The following CPED1 variants were observed in gnomAD, a reference collection of about 807,000 sequenced individuals.
The protein encoded by CPED1 is cadherin-like and PC-esterase domain-containing protein 1.
In CPED1, 114 loss-of-function variants were observed where a neutral mutation model predicts 128.2. The ratio of observed to expected loss-of-function variants is 0.89; its 90% CI spans 0.76 to 1.04. CPED1 has a LOEUF of 1.04. Ranked by LOEUF, CPED1 falls within the 50% of genes least tolerant of loss-of-function variation. The pLI is 0.00. For missense variants in CPED1, 1,211 were observed against 1,207.1 expected (o/e 1.00, Z -0.05); for synonymous variants, 462 against 426.7 (o/e 1.08, Z -1.02).
chr7:121,164,290 CT>C (rs1796473738), intron 16 of CPED1, among the ~76,000 whole-genome samples: 1 of 152,210 alleles, frequency 6.6e-6, no homozygotes, highest in African/African-American at 2.4e-5. Context: ...CTTTAGTTCA[CT>C]TCTTAAGTTT....
chr7:121,261,421 G>A (rs1328241082), intron 18 of CPED1, among the ~76,000 whole-genome samples: 1 of 152,032 alleles, frequency 6.6e-6, no homozygotes, highest in African/African-American at 2.4e-5. Context: ...TAGCATGTAA[G>A]AGAATGTAGT....
intron 3 of CPED1, among the ~76,000 whole-genome samples, chr7:121,034,256 T>TC (rs930997130): frequency 6.9e-6 from 1 of 144,636 alleles, no homozygotes; most frequent in Non-Finnish European, 1.5e-5. Flanking sequence ...TCTTTTTTTT[T>TC]TTTTTTTTTG....
At chr7:121,172,498 G>C (rs1796669718) in intron 16 of CPED1, among the ~76,000 whole-genome samples, 1 of 151,772 alleles carries the variant, frequency 6.6e-6, no homozygotes, top group African/African-American at 2.4e-5. Context: ...TTCTAGAAAG[G>C]TAAACCAATT....
At chr7:121,283,411 G>A (rs1441382672) in intron 22 of CPED1, among the ~76,000 whole-genome samples, 1 of 152,084 alleles carries the variant, frequency 6.6e-6, no homozygotes, top group Non-Finnish European at 1.5e-5. Flanking sequence ...CCTTAATCTA[G>A]ACAAGAACAC....
chr7:121,249,821 C>G (rs1349152544), intron 18 of CPED1, among the ~76,000 whole-genome samples: 1 of 152,156 alleles, frequency 6.6e-6, no homozygotes, highest in Non-Finnish European at 1.5e-5. Flanking sequence ...ATTCATAAAG[C>G]AAGTCCTTAG....
chr7:121,297,089 T>TAAAC lies in CPED1; in HGVS notation c.*1440_*1443dup, dbSNP rs1380544940. The TAAAC allele has an allele frequency of 6.6e-6, 1 of 152,056 alleles. No homozygotes were observed. Among genetic ancestry groups the TAAAC allele is most frequent in the Non-Finnish European group, 1.5e-5 (1 of 67,942 alleles). The allele number at this position is 152,056 out of a possible 1,614,324, so 9.4% of individuals were successfully genotyped here. A position where few individuals can be genotyped will look rare whatever the true frequency, so the allele number is the denominator to read the frequency against. On this transcript the variant is annotated 3_prime_UTR_variant, in exon 23 of 23. Transcript: ENST00000310396. ...ACATAAATGCAAATATCACTTGATA[T>TAAAC]AAACAATACAAATCTGCATCTTACA...
chr7:121,018,165 T>C (rs945326763), intron 3 of CPED1, among the ~76,000 whole-genome samples: 4 of 152,180 alleles, frequency 2.6e-5, no homozygotes, highest in African/African-American at 9.7e-5. Context: ...GTTGTGACTA[T>C]AATCTAACAT....
intron 16 of CPED1, among the ~76,000 whole-genome samples, chr7:121,201,696 A>G (rs1797405725): frequency 6.6e-6 from 1 of 152,092 alleles, no homozygotes; most frequent in Non-Finnish European, 1.5e-5. Context: ...ATGCAGTTAT[A>G]AATACAGCCC....
chr7:121,046,802 T>G (rs1484296619), intron 3 of CPED1, 85 bp from the exon 4 acceptor site: 1 of 819,976 alleles, frequency 1.2e-6, no homozygotes, highest in Non-Finnish European at 1.9e-6. Flanking sequence ...TTTAAATAAT[T>G]ACATTTTTTA....
chr7:121,223,868 G>T (rs1797942260), intron 16 of CPED1, among the ~76,000 whole-genome samples: 1 of 150,130 alleles, frequency 6.7e-6, no homozygotes, highest in Non-Finnish European at 1.5e-5. Context: ...TATTAGTCTT[G>T]CTAGCAGTCT....
intron 16 of CPED1, among the ~76,000 whole-genome samples, chr7:121,216,917 C>A (rs969985071): frequency 6.6e-6 from 1 of 151,744 alleles, no homozygotes; most frequent in Non-Finnish European, 1.5e-5. Context: ...AACTGTTACA[C>A]TTTTTTTTGG....
At chr7:121,175,894 A>G (rs911025306) in intron 16 of CPED1, among the ~76,000 whole-genome samples, 1 of 152,078 alleles carries the variant, frequency 6.6e-6, no homozygotes, top group Non-Finnish European at 1.5e-5. Context: ...TCTATAACAA[A>G]TAGATTTGTC....
rs187151039 is a variant in CPED1 at position 121,206,291 on chromosome 7, C to T, written c.2056-30423C>T. ...TATTTCTCCAAAAGGCAAGCATTAA[C>T]TAGGCCAAAATGGGCAGCCAGGCAT... On this transcript the variant is annotated intron_variant, in intron 16 of 22. Transcript: ENST00000310396. 3.3e-5 allele frequency among the ~76,000 whole-genome samples: 5 copies of T among 152,042 alleles called. No homozygotes were observed. In the East Asian group the frequency reaches 9.7e-4, roughly 30 times the overall value.
At chr7:121,134,448 G>C (rs1280360739) in intron 13 of CPED1, among the ~76,000 whole-genome samples, 1 of 151,988 alleles carries the variant, frequency 6.6e-6, no homozygotes, top group Non-Finnish European at 1.5e-5. Flanking sequence ...GTTATTAGAG[G>C]CCAGGGAGGG....
chr7:121,063,381 G>GAA lies in CPED1; in HGVS notation c.541-837_541-836dup, dbSNP rs368502123. Among the ~76,000 whole-genome samples the GAA allele has an allele frequency of 1.5e-3, 99 of 67,032 alleles. 7 individuals carry two copies. Among genetic ancestry groups the GAA allele is most frequent in the Admixed American group, 3.9e-3 (16 of 4,114 alleles). 44.0% of individuals were successfully genotyped at this position (67,032 alleles called of 152,430 possible). On this transcript the variant is annotated intron_variant, in intron 4 of 22. Coordinates refer to ENST00000310396, the MANE Select transcript of CPED1 (RefSeq NM_024913.5). The stretch of plus-strand genomic sequence containing the variant: ...GCTTTATTTTGCAAATGAAGAAACT[G>GAA]AAAAAAAAAAAAAAAAAAAAAGCAA...
At position 121,295,740 on chromosome 7, in the gene CPED1, C is replaced by T. The variant is rs1275625644; in HGVS notation, c.*88C>T. The T allele has an allele frequency of 1.8e-6, 2 of 1,082,424 alleles. No individual in the cohort carries two copies. The highest frequency in any genetic ancestry group is 1.4e-5 in the South Asian group (1 of 71,708). The allele number at this position is 1,082,424 out of a possible 1,614,324, so 67.1% of individuals were successfully genotyped here. A position where few individuals can be genotyped will look rare whatever the true frequency, so the allele number is the denominator to read the frequency against. On this transcript the variant is annotated 3_prime_UTR_variant, in exon 23 of 23. Transcript: ENST00000310396. ...GGAGCCAAGCGCTGCACATCGCACACATTTGGGATCGACCACACACACTTG... is the reference window on the plus strand; with the variant it reads ...GGAGCCAAGCGCTGCACATCGCACATATTTGGGATCGACCACACACACTTG...
chr7:121,275,745 G>C (rs1453183338), intron 22 of CPED1, among the ~76,000 whole-genome samples: 2 of 151,898 alleles, frequency 1.3e-5, no homozygotes, highest in African/African-American at 4.8e-5. Flanking sequence ...AGGGAGTTTT[G>C]GTTCTTTGTC....
chr7:121,238,341 C>T (rs951840437), intron 17 of CPED1, among the ~76,000 whole-genome samples: 1 of 152,102 alleles, frequency 6.6e-6, no homozygotes, highest in African/African-American at 2.4e-5. Context: ...TTCCAGCCTC[C>T]TCCCAGCCTC....
At chr7:121,236,886 A>G in intron 17 of CPED1, 55 bp downstream of exon 17, 1 of 921,926 alleles carries the variant, frequency 1.1e-6, no homozygotes, top group Non-Finnish European at 1.7e-6. Context: ...TGGTATAGAT[A>G]AGTGTATGCT....
Sources: allele counts gnomAD v4.1 joint callset (sites outside exome capture counted in the v4.1 genomes callset), GRCh38; gene constraint gnomAD v4.1.1; transcripts MANE v1.5; gene names NCBI Gene and HGNC (gene_info 2026-07-23, HGNC 2026-07-21).